FOLH1: variants seen among roughly 807,000 people sequenced by gnomAD.
FOLH1 encodes glutamate carboxypeptidase 2.
A neutral mutation model predicts 93.9 loss-of-function variants in FOLH1; 54 were observed. The ratio of observed to expected loss-of-function variants is 0.57; its 90% CI spans 0.46 to 0.72. The LOEUF (loss-of-function observed/expected upper bound fraction) is 0.72. Ranked by LOEUF, FOLH1 falls within the 30% of genes least tolerant of loss-of-function variation. The pLI is 0.00. For synonymous variants in FOLH1, 249 were observed against 303.6 expected, an observed-to-expected ratio of 0.82 and a Z score of 1.87; for missense variants, 571 against 892.5, an observed-to-expected ratio of 0.64 and a Z score of 4.59.
intron 7 of FOLH1, among the ~76,000 whole-genome samples, chr11:49,177,271 T>C (rs1479558356): frequency 6.6e-6 from 1 of 152,208 alleles, no homozygotes; most frequent in Admixed American, 6.5e-5. Flanking sequence ...TCAAGTAATG[T>C]ATTATAAAAT....
chr11:49,208,162 A>T (rs1022159822), intron 1 of FOLH1, 130 bp downstream of exon 1: 145 of 682,728 alleles, frequency 2.1e-4, no homozygotes, highest in Admixed American at 5.2e-4. Context: ...ACCCCACATT[A>T]CCCCGACCCT....
At chr11:49,160,982 G>T (rs571243020) in intron 13 of FOLH1, among the ~76,000 whole-genome samples, 63 of 152,150 alleles carry the variant, frequency 4.1e-4, no homozygotes, top group African/African-American at 1.4e-3. Context: ...GAATTTGCAC[G>T]GCAGTACAAG....
intron 7 of FOLH1, among the ~76,000 whole-genome samples, chr11:49,181,249 A>G (rs1860695357): frequency 6.6e-6 from 1 of 151,832 alleles, no homozygotes; most frequent in African/African-American, 2.4e-5. Flanking sequence ...CTGGGACTAC[A>G]GGCATGCACC....
intron 12 of FOLH1, among the ~76,000 whole-genome samples, chr11:49,167,766 C>T (rs746579835): frequency 1.3e-4 from 19 of 151,994 alleles, no homozygotes; most frequent in Admixed American, 6.6e-5. Context: ...GAGCCATGAT[C>T]GCTCCACGCA....
At chr11:49,156,385 G>C (rs1297797838) in intron 15 of FOLH1, among the ~76,000 whole-genome samples, 1 of 152,088 alleles carries the variant, frequency 6.6e-6, no homozygotes, top group Non-Finnish European at 1.5e-5. Flanking sequence ...AAGGAGGAGG[G>C]TGAAATCAAA....
chr11:49,155,795 C>CATATCTAT (rs1856942781), intron 15 of FOLH1, among the ~76,000 whole-genome samples: 1 of 52,130 alleles, frequency 1.9e-5, no homozygotes, highest in African/African-American at 5.0e-5. Flanking sequence ...AAATGAAAAC[C>CATATCTAT]ATATATATAT....
chr11:49,173,264 A>C, intron 10 of FOLH1, 93 bp downstream of exon 10: 5 of 1,272,374 alleles, frequency 3.9e-6, no homozygotes, highest in Non-Finnish European at 5.2e-6. Context: ...AAACACATGT[A>C]ATGGTTGAGG....
chr11:49,146,084 T>C lies in FOLH1; in HGVS notation c.*672A>G, dbSNP rs140808249. ...ATGACAGAGGAAAGATAAATAAACA[T>C]AAAATTCAAGAAAATGCAAAAGCAT... is the stretch of plus-strand genomic sequence containing the variant. On this transcript the variant is annotated 3_prime_UTR_variant, in exon 19 of 19. Transcript: ENST00000256999. 6.5e-3 allele frequency among the ~76,000 whole-genome samples: 989 copies of C among 152,196 alleles called. 14 individuals are homozygous for C. The highest frequency in any genetic ancestry group is 0.023 in the African/African-American group (943 of 41,534).
At chr11:49,197,653 T>C (rs1862762826) in intron 3 of FOLH1, among the ~76,000 whole-genome samples, 1 of 152,094 alleles carries the variant, frequency 6.6e-6, no homozygotes, top group African/African-American at 2.4e-5. Context: ...AAAGAAATCA[T>C]AGTTTACCAC....
Position 49,206,052 on chromosome 11 carries a change from C to G in FOLH1, c.224+15G>C, listed in dbSNP as rs755671555. 18 of 1,600,408 alleles carry G rather than the reference C, an allele frequency of 1.1e-5. No homozygotes were observed. Among genetic ancestry groups the G allele is most frequent in the South Asian group, 3.4e-5 (3 of 88,156 alleles). On this transcript the variant is annotated intron_variant, in intron 2 of 18. Coordinates refer to ENST00000256999, the MANE Select transcript of FOLH1 (RefSeq NM_004476.3). ...CTAACAACTTGTCCATATAAACTTT[C>G]GAGGATGTACTTACTATAAGAACTT... is the stretch of plus-strand genomic sequence containing the variant.
rs556764299 is a variant in FOLH1, at chr11:49,151,876, T to C, written c.1970+1970A>G. Among the ~76,000 whole-genome samples the C allele has an allele frequency of 1.8e-4, 28 of 152,244 alleles. No individual in the cohort carries two copies. The South Asian group carries it at 5.0e-3, about 27-fold the overall frequency. ...TGTTTGGGATCTCCTTAAAATGTAT[T>C]TCTTATTGTTGACTTTTTTACTCAC... On this transcript the variant is annotated intron_variant, in intron 17 of 18. Coordinates refer to ENST00000256999, the MANE Select transcript of FOLH1 (RefSeq NM_004476.3).
In FOLH1 at chr11:49,146,908, C is replaced by T; in HGVS notation, c.2101G>A (p.Ala701Thr). 6.2e-7 allele frequency: 1 copy of T among 1,613,010 alleles called. No individual in the cohort carries two copies. ...TAAATTCCTGGGAATGACTCCCCTG[C>T]ATACTTGTTGTGGCTGCTTGGAGCA... ...IYAPSSHNKY[A>T]GESFPGIYDA... The change falls in exon 19 of 19, where the codon GCA becomes ACA. Residue 701 changes from alanine (A) to threonine (T), a missense_variant. Physicochemically the swap from Ala to Thr is moderately conservative, Grantham distance 58. Coordinates refer to ENST00000256999, the MANE Select transcript of FOLH1 (RefSeq NM_004476.3).
chr11:49,155,904 ACT>A (rs1403367444), intron 15 of FOLH1, among the ~76,000 whole-genome samples: 3 of 144,790 alleles, frequency 2.1e-5, no homozygotes, highest in African/African-American at 7.6e-5. Context: ...ATATGATTTG[ACT>A]CTGTGTCCCC....
At chr11:49,185,549 T>G in intron 6 of FOLH1, 120 bp downstream of exon 6, 1 of 1,289,400 alleles carries the variant, frequency 7.8e-7, no homozygotes, top group South Asian at 1.6e-5. Flanking sequence ...AATTCTTTCA[T>G]TCTTAAATGC....
chr11:49,149,416 G>A (rs1856204856), intron 17 of FOLH1, among the ~76,000 whole-genome samples: 2 of 152,058 alleles, frequency 1.3e-5, no homozygotes, highest in South Asian at 2.1e-4. Context: ...TCTCCCTTGG[G>A]TTAGCTGCCC....
chr11:49,167,142 TAC>T (rs1858509309), intron 12 of FOLH1, among the ~76,000 whole-genome samples: 1 of 152,202 alleles, frequency 6.6e-6, no homozygotes, highest in South Asian at 2.1e-4. Context: ...GCATATAATA[TAC>T]ATATATATAC....
chr11:49,148,847 C>T, intron 17 of FOLH1, 116 bp from the exon 18 acceptor site: 1 of 791,668 alleles, frequency 1.3e-6, no homozygotes, highest in African/African-American at 1.8e-5. Flanking sequence ...TTCAGGACCA[C>T]CCTCTACACC....
intron 1 of FOLH1, 177 bp downstream of exon 1, chr11:49,208,115 G>C (rs1864177474): frequency 1.5e-5 from 9 of 617,628 alleles, no homozygotes; most frequent in Non-Finnish European, 2.1e-5. Context: ...GCCCTGCACC[G>C]TTCCCAGCTA....
Position 49,186,780 on chromosome 11 carries a change from C to A in FOLH1, c.514-11G>T, listed in dbSNP as rs568557023. On this transcript the variant is annotated splice_polypyrimidine_tract_variant and intron_variant, in intron 4 of 18. Coordinates refer to ENST00000256999, the MANE Select transcript of FOLH1 (RefSeq NM_004476.3). The stretch of plus-strand genomic sequence containing the variant: ...ATACACTAGATCGCCCTGTTGAGAT[C>A]GGGAATGACTTAATATGAGTCAGAT... 13 of 1,587,840 alleles carry A rather than the reference C, an allele frequency of 8.2e-6. No homozygotes were observed. Among genetic ancestry groups the A allele is most frequent in the African/African-American group, 8.2e-5 (6 of 73,514 alleles).
Sources: gnomAD v4.1 joint callset for allele counts (sites outside exome capture counted in the v4.1 genomes callset) on GRCh38, gnomAD v4.1.1 for gene constraint, MANE v1.5 for transcripts, NCBI Gene and HGNC (gene_info 2026-07-23, HGNC 2026-07-21) for gene names.